GPC6: variants seen among roughly 807,000 people sequenced by gnomAD.
The protein encoded by GPC6 is glypican-6.
GPC6 carries 14 observed loss-of-function variants against 55.2 expected under a neutral mutation model. The observed-to-expected ratio is 0.25, with a 90% CI of 0.17 to 0.40. GPC6 has a LOEUF of 0.40. Among genes scored for constraint, GPC6 ranks in the 10% least tolerant of loss-of-function variants. The pLI is 1.00. For synonymous variants in GPC6, 278 were observed against 259.6 expected (o/e 1.07, Z -0.68); for missense variants, 641 against 708.5 (o/e 0.90, Z 1.08).
rs376764923 is a variant in GPC6, at chr13:94,402,998, C to G, written c.1466-17C>G. On this transcript the variant is annotated splice_polypyrimidine_tract_variant and intron_variant, in intron 8 of 8. Transcript: ENST00000377047. ...ATATCAGTGGTCTAACTTTCTTTTTCAATCTTTCCACACTAGGTGATGAAT... is the reference window on the plus strand; with the variant it reads ...ATATCAGTGGTCTAACTTTCTTTTTGAATCTTTCCACACTAGGTGATGAAT... 6.3e-7 allele frequency: 1 copy of G among 1,580,918 alleles called. No homozygotes were observed. Among genetic ancestry groups the G allele is most frequent in the Non-Finnish European group, 8.7e-7 (1 of 1,149,696 alleles).
intron 4 of GPC6, among the ~76,000 whole-genome samples, chr13:94,180,277 G>A (rs957667809): frequency 5.3e-5 from 8 of 152,274 alleles, no homozygotes; most frequent in Middle Eastern, 3.4e-3. Flanking sequence ...TAAACTGTAC[G>A]TGAACACTAA....
chr13:93,514,163 A>G (rs888120648), intron 1 of GPC6, among the ~76,000 whole-genome samples: 23 of 151,578 alleles, frequency 1.5e-4, no homozygotes, highest in Admixed American at 1.1e-3. Flanking sequence ...GTGAGCCACC[A>G]CTCCTGGTCA....
intron 4 of GPC6, among the ~76,000 whole-genome samples, chr13:94,169,824 A>C (rs1035361792): frequency 3.9e-5 from 6 of 152,050 alleles, no homozygotes; most frequent in African/African-American, 1.2e-4. Context: ...TTATGTGCTG[A>C]GCCCACTTTG....
chr13:93,765,308 T>TCCAGATAAGATGTCTGGAA, intron 2 of GPC6, among the ~76,000 whole-genome samples: 1 of 148,686 alleles, frequency 6.7e-6, no homozygotes. Flanking sequence ...AAAGACAACT[T>TCCAGATAAGATGTCTGGAA]ATTTGGTTTA....
At chr13:93,719,604 G>A (rs1365840556) in intron 2 of GPC6, among the ~76,000 whole-genome samples, 1 of 152,068 alleles carries the variant, frequency 6.6e-6, no homozygotes, top group African/African-American at 2.4e-5. Context: ...GCCCTGGCCA[G>A]AACTTCTAAT....
At chr13:94,118,842 A>C (rs1205547664) in intron 4 of GPC6, among the ~76,000 whole-genome samples, 1 of 152,066 alleles carries the variant, frequency 6.6e-6, no homozygotes, top group Non-Finnish European at 1.5e-5. Flanking sequence ...CTATATGCCA[A>C]AGAAACACTT....
chr13:94,039,453 G>A (rs1439337252), intron 4 of GPC6, among the ~76,000 whole-genome samples: 1 of 151,900 alleles, frequency 6.6e-6, no homozygotes, highest in African/African-American at 2.4e-5. Context: ...CTAAATAGAG[G>A]TGACTGAAAG....
intron 4 of GPC6, among the ~76,000 whole-genome samples, chr13:94,059,538 C>G (rs1009320955): frequency 2.0e-5 from 3 of 151,946 alleles, no homozygotes; most frequent in African/African-American, 7.3e-5. Flanking sequence ...TGAACACGAA[C>G]GTGTTCTGGT....
the GPC6 span, among the ~76,000 whole-genome samples, chr13:93,216,884 A>T: frequency 2.0e-5 from 3 of 152,334 alleles, no homozygotes; most frequent in East Asian, 5.8e-4. Flanking sequence ...AGGAGGTTCC[A>T]TTTCTTATAC....
At chr13:93,962,459 T>C (rs1431012954) in intron 3 of GPC6, among the ~76,000 whole-genome samples, 1 of 152,114 alleles carries the variant, frequency 6.6e-6, no homozygotes, top group African/African-American at 2.4e-5. Context: ...GGATTCTCTC[T>C]TGTTCATACT....
At chr13:94,224,455 A>T (rs1890485276) in intron 4 of GPC6, among the ~76,000 whole-genome samples, 1 of 152,018 alleles carries the variant, frequency 6.6e-6, no homozygotes, top group Non-Finnish European at 1.5e-5. Flanking sequence ...TGGGAATTAA[A>T]CCATGTCCAT....
intron 1 of GPC6, among the ~76,000 whole-genome samples, chr13:93,472,035 G>C (rs1426153114): frequency 6.6e-6 from 1 of 152,148 alleles, no homozygotes; most frequent in Non-Finnish European, 1.5e-5. Flanking sequence ...GTTGGTTTTA[G>C]ATTTACGGAT....
intron 6 of GPC6, among the ~76,000 whole-genome samples, chr13:94,360,375 C>T (rs770517203): frequency 1.3e-5 from 2 of 152,086 alleles, no homozygotes; most frequent in Non-Finnish European, 2.9e-5. Flanking sequence ...CAGTATAATC[C>T]ACTGTTATAC....
chr13:93,461,866 A>G (rs1054267760), intron 1 of GPC6, among the ~76,000 whole-genome samples: 4 of 152,156 alleles, frequency 2.6e-5, no homozygotes, highest in Admixed American at 2.6e-4. Flanking sequence ...ACGTTATCTC[A>G]TTCTTACATT....
intron 1 of GPC6, among the ~76,000 whole-genome samples, chr13:93,407,433 C>T (rs1005956170): frequency 4.0e-5 from 6 of 151,774 alleles, no homozygotes; most frequent in South Asian, 2.1e-4. Context: ...TGGCTGAGAC[C>T]GTGCCTGACT....
chr13:94,125,242 A>G (rs1326697818), intron 4 of GPC6, among the ~76,000 whole-genome samples: 2 of 152,194 alleles, frequency 1.3e-5, no homozygotes, highest in Admixed American at 1.3e-4. Flanking sequence ...TGTATAAACA[A>G]GACAGGTGTA....
Position 93,996,215 on chromosome 13 carries a change from G to A in GPC6, c.712-31514G>A, listed in dbSNP as rs116391035. On this transcript the variant is annotated intron_variant, in intron 3 of 8. Transcript: ENST00000377047. ...TTAAAAATTTTTGGAATAGTATAAT[G>A]GTGATTGTGTAATTAAAATTTCAAG... is the stretch of plus-strand genomic sequence containing the variant. 2.5e-3 allele frequency among the ~76,000 whole-genome samples: 381 copies of A among 152,248 alleles called. 1 individual carries two copies. Among genetic ancestry groups the A allele is most frequent in the African/African-American group, 8.8e-3 (364 of 41,552 alleles).
intron 3 of GPC6, among the ~76,000 whole-genome samples, chr13:93,881,469 A>C (rs1874970346): frequency 6.6e-6 from 1 of 152,094 alleles, no homozygotes; most frequent in Non-Finnish European, 1.5e-5. Flanking sequence ...AATATAATTT[A>C]GGGCCAATGT....
Position 93,782,138 on chromosome 13 carries a change from G to A in GPC6, c.320-48016G>A, listed in dbSNP as rs148235725. Among the ~76,000 whole-genome samples the A allele has an allele frequency of 5.5e-3, 836 of 152,098 alleles. 7 individuals carry two copies. Among genetic ancestry groups the A allele is most frequent in the Middle Eastern group, 0.027 (8 of 294 alleles). On this transcript the variant is annotated intron_variant, in intron 2 of 8. Transcript: ENST00000377047. ...CCACCACTGCACTCTCTGCTTGTGG[G>A]TTCAGCATTTTTAGATTCCATGTAT...
Sources: gnomAD v4.1 joint callset for allele counts (sites outside exome capture counted in the v4.1 genomes callset) on GRCh38, gnomAD v4.1.1 for gene constraint, MANE v1.5 for transcripts, NCBI Gene and HGNC (gene_info 2026-07-23, HGNC 2026-07-21) for gene names.